Variants in BBS9 observed in about 807,000 individuals in gnomAD.
The protein encoded by BBS9 is Bardet-Biedl syndrome 9.
In BBS9, 89 loss-of-function variants were observed where a neutral mutation model predicts 117.7. The ratio of observed to expected loss-of-function variants is 0.76; its 90% CI spans 0.64 to 0.90. The LOEUF is 0.90. BBS9 is among the 40% of genes least tolerant of loss of function. BBS9 has a pLI of 0.00. For missense variants in BBS9, 982 were observed against 1,042.2 expected (o/e 0.94, Z 0.80); for synonymous variants, 379 against 370.9 (o/e 1.02, Z -0.25).
At chr7:33,426,750 G>C (rs1464685829) in intron 19 of BBS9, among the ~76,000 whole-genome samples, 1 of 152,128 alleles carries the variant, frequency 6.6e-6, no homozygotes, top group Non-Finnish European at 1.5e-5. Context: ...GGAGCGGTCA[G>C]GGAGAGAGGA....
chr7:33,627,538 A>G (rs898056630), intron 21 of BBS9, among the ~76,000 whole-genome samples: 5 of 152,162 alleles, frequency 3.3e-5, no homozygotes, highest in African/African-American at 1.2e-4. Context: ...AGCTTGTACC[A>G]TGTACCTGGA....
At chr7:33,395,596 C>A (rs1827826607) in intron 19 of BBS9, among the ~76,000 whole-genome samples, 1 of 152,086 alleles carries the variant, frequency 6.6e-6, no homozygotes, top group African/African-American at 2.4e-5. Context: ...TCTAGAGAGG[C>A]AGATGGCTGA....
intron 19 of BBS9, among the ~76,000 whole-genome samples, chr7:33,501,242 A>G (rs556031411): frequency 1.2e-4 from 18 of 152,244 alleles, no homozygotes; most frequent in African/African-American, 4.1e-4. Context: ...TCTTTTTACT[A>G]TGTTAATTCT....
At chr7:33,306,517 A>G (rs1278698828) in intron 9 of BBS9, among the ~76,000 whole-genome samples, 1 of 152,142 alleles carries the variant, frequency 6.6e-6, no homozygotes, top group Admixed American at 6.5e-5. Context: ...TGGAATAAAA[A>G]TGATGAATGG....
chr7:33,480,275 CAGT>C (rs2128972889), intron 19 of BBS9, among the ~76,000 whole-genome samples: 1 of 152,232 alleles, frequency 6.6e-6, no homozygotes, highest in South Asian at 2.1e-4. Context: ...ACAGCAGCAG[CAGT>C]AACAATAAAT....
intron 19 of BBS9, among the ~76,000 whole-genome samples, chr7:33,439,371 A>G (rs1409768198): frequency 2.6e-5 from 4 of 152,140 alleles, no homozygotes; most frequent in African/African-American, 7.2e-5. Flanking sequence ...CCATTTTACT[A>G]TATTAATTTG....
At chr7:33,473,516 G>A (rs1298582296) in intron 19 of BBS9, among the ~76,000 whole-genome samples, 1 of 152,146 alleles carries the variant, frequency 6.6e-6, no homozygotes, top group African/African-American at 2.4e-5. Context: ...TAGAGACGGA[G>A]TTTCACCATG....
intron 19 of BBS9, among the ~76,000 whole-genome samples, chr7:33,452,109 C>T (rs936395179): frequency 3.9e-5 from 6 of 152,188 alleles, no homozygotes; most frequent in East Asian, 1.9e-4. Context: ...GCTGGAATTA[C>T]AGGCGTGAGC....
chr7:33,563,874 C>T (rs1463036518), intron 21 of BBS9, among the ~76,000 whole-genome samples: 1 of 152,186 alleles, frequency 6.6e-6, no homozygotes, highest in African/African-American at 2.4e-5. Flanking sequence ...ACAGTGTTTA[C>T]AGCAGGCCTT....
downstream of BBS9, chr7:33,606,154 T>A (rs1462494065): frequency 6.6e-6 from 1 of 152,218 alleles, no homozygotes. Flanking sequence ...GAGGATGTAT[T>A]ACTTATTATT....
chr7:33,445,169 C>T (rs1348291683), intron 19 of BBS9, among the ~76,000 whole-genome samples: 1 of 152,166 alleles, frequency 6.6e-6, no homozygotes, highest in Non-Finnish European at 1.5e-5. Context: ...GTGTAAGGAC[C>T]TACATCCTGT....
intron 5 of BBS9, chr7:33,242,885 A>G: frequency 1.9e-6 from 1 of 513,344 alleles, no homozygotes; most frequent in Non-Finnish European, 3.9e-6. Context: ...CAGTTGGAGA[A>G]ACAGTAGGAA....
intron 15 of BBS9, among the ~76,000 whole-genome samples, chr7:33,356,417 C>T (rs1311238925): frequency 6.6e-6 from 1 of 151,726 alleles, no homozygotes; most frequent in African/African-American, 2.4e-5. Context: ...CTCTAAAAAC[C>T]TCACAGAATG....
chr7:33,384,060 G>A (rs1314868184), intron 18 of BBS9, among the ~76,000 whole-genome samples: 1 of 152,142 alleles, frequency 6.6e-6, no homozygotes, highest in East Asian at 1.9e-4. Flanking sequence ...CATGTCGTCT[G>A]GCCCTGGAAC....
chr7:33,480,104 C>A (rs1842327436), intron 19 of BBS9, among the ~76,000 whole-genome samples: 1 of 152,058 alleles, frequency 6.6e-6, no homozygotes, highest in Non-Finnish European at 1.5e-5. Context: ...TTTCATATAG[C>A]AATGCTCAGT....
chr7:33,319,257 T>C (rs1811191426), intron 9 of BBS9, among the ~76,000 whole-genome samples: 1 of 152,172 alleles, frequency 6.6e-6, no homozygotes, highest in Admixed American at 6.5e-5. Flanking sequence ...AGTATTCCAT[T>C]GTATATATGT....
intron 2 of BBS9, 25 bp from the exon 3 acceptor site, chr7:33,152,675 TC>T: frequency 6.3e-7 from 1 of 1,578,216 alleles, no homozygotes; most frequent in Non-Finnish European, 8.7e-7. Context: ...TCTCCCTCTA[TC>T]TTTTTTTTTT....
chr7:33,608,245 T>G (rs1347325068), downstream of BBS9, among the ~76,000 whole-genome samples: 1 of 152,134 alleles, frequency 6.6e-6, no homozygotes, highest in Non-Finnish European at 1.5e-5. Flanking sequence ...CTGCATAGTA[T>G]TCTGTGGTAT....
intron 9 of BBS9, among the ~76,000 whole-genome samples, chr7:33,287,698 T>G (rs866368109): frequency 1.3e-5 from 2 of 152,234 alleles, no homozygotes; most frequent in South Asian, 2.1e-4. Context: ...TTAAAATAAG[T>G]GTAAAATAAA....
Sources: gnomAD v4.1 joint callset for allele counts (sites outside exome capture counted in the v4.1 genomes callset) on GRCh38, gnomAD v4.1.1 for gene constraint, MANE v1.5 for transcripts, NCBI Gene and HGNC (gene_info 2026-07-23, HGNC 2026-07-21) for gene names.